The following NTM variants were observed in gnomAD, a reference collection of about 807,000 sequenced individuals.
NTM encodes the protein neurotrimin.
In NTM, 13 loss-of-function variants were observed where a neutral mutation model predicts 42.1. That is an observed-to-expected ratio of 0.31 (90% CI 0.20 to 0.49). The LOEUF (loss-of-function observed/expected upper bound fraction) is 0.49, where lower values mean the gene tolerates loss of function less well. NTM is among the 20% of genes least tolerant of loss of function. NTM has a pLI of 0.99. For synonymous variants in NTM, 187 were observed against 179.2 expected (o/e 1.04, Z -0.35); for missense variants, 373 against 452.8 (o/e 0.82, Z 1.60).
chr11:132,292,787 T>TAAAAAAAAAAAAAAAAAA (rs61603794), intron 4 of NTM, among the ~76,000 whole-genome samples: 1 of 56,572 alleles, frequency 1.8e-5, no homozygotes, highest in Non-Finnish European at 3.0e-5. Context: ...GATGTAAAAG[T>TAAAAAAAAAAAAAAAAAA]AAAAAAAAAA....
chr11:132,278,744 TC>T lies in NTM; in HGVS notation c.527-28944del, dbSNP rs1194181972. Among the ~76,000 whole-genome samples the T allele has an allele frequency of 2.1e-3, 7 of 3,364 alleles. No homozygotes were observed. The Admixed American group carries it at 0.027, about 13-fold the overall frequency. The allele number at this position is 3,364 out of a possible 152,430, so 2.2% of individuals were successfully genotyped here. On this transcript the variant is annotated intron_variant, in intron 4 of 8. Coordinates refer to ENST00000683400, the MANE Select transcript of NTM (RefSeq NM_001352005.2). ...GTCTTTCTTAACCTTCATTTGGGCT[TC>T]TCTCTCTCTCTCTCTCTCTCTCTCT...
intron 1 of NTM, among the ~76,000 whole-genome samples, chr11:131,525,315 G>A (rs1565600151): frequency 6.6e-6 from 1 of 152,200 alleles, no homozygotes; most frequent in Non-Finnish European, 1.5e-5. Context: ...TGCTTATAAT[G>A]CGCCGGAAAT....
intron 2 of NTM, among the ~76,000 whole-genome samples, chr11:132,072,511 A>T (rs1386038782): frequency 6.6e-6 from 1 of 152,182 alleles, no homozygotes; most frequent in Non-Finnish European, 1.5e-5. Flanking sequence ...GGGCAATCTG[A>T]TAGTTGTGAA....
At chr11:131,494,369 C>G (rs926372978) in intron 1 of NTM, among the ~76,000 whole-genome samples, 1 of 152,162 alleles carries the variant, frequency 6.6e-6, no homozygotes, top group Non-Finnish European at 1.5e-5. Flanking sequence ...ACGGTAGGAA[C>G]AGCTAAACGT....
intron 3 of NTM, among the ~76,000 whole-genome samples, chr11:132,174,652 T>C (rs2076541604): frequency 6.6e-6 from 1 of 152,172 alleles, no homozygotes; most frequent in South Asian, 2.1e-4. Flanking sequence ...GTGATTTTTG[T>C]AGCATTTTCT....
intron 2 of NTM, among the ~76,000 whole-genome samples, chr11:131,972,531 G>A (rs539465790): frequency 6.6e-6 from 1 of 152,304 alleles, no homozygotes; most frequent in African/African-American, 2.4e-5. Flanking sequence ...TTGTGAGCCA[G>A]TTTTCCAGTA....
At chr11:131,597,869 CAG>C (rs1565683738) in intron 1 of NTM, among the ~76,000 whole-genome samples, 1 of 151,518 alleles carries the variant, frequency 6.6e-6, no homozygotes, top group African/African-American at 2.4e-5. Flanking sequence ...AAGAATTCAA[CAG>C]AGTCCTTTTT....
At chr11:132,055,992 A>G (rs1027606306) in intron 2 of NTM, among the ~76,000 whole-genome samples, 6 of 152,200 alleles carry the variant, frequency 3.9e-5, no homozygotes, top group African/African-American at 1.2e-4. Flanking sequence ...CAAGTTTTCC[A>G]TGGTTCCTGA....
intron 1 of NTM, among the ~76,000 whole-genome samples, chr11:131,423,154 T>C (rs1054260601): frequency 6.6e-6 from 1 of 152,220 alleles, no homozygotes; most frequent in Non-Finnish European, 1.5e-5. Flanking sequence ...AGATTATACA[T>C]ATGCATATTA....
intron 3 of NTM, among the ~76,000 whole-genome samples, chr11:132,194,779 C>T (rs1350911782): frequency 7.0e-6 from 1 of 143,758 alleles, no homozygotes; most frequent in Non-Finnish European, 1.5e-5. Context: ...TTTCAGGATA[C>T]AAAATCAATG....
chr11:131,753,094 A>G (rs923702816), intron 1 of NTM, among the ~76,000 whole-genome samples: 2 of 152,062 alleles, frequency 1.3e-5, no homozygotes, highest in Non-Finnish European at 2.9e-5. Flanking sequence ...ATGAACAGAC[A>G]CTTCTCAAAA....
In NTM at chr11:132,330,142, A is replaced by G. The variant is rs766373624; in HGVS notation, c.935-11A>G. On this transcript the variant is annotated splice_polypyrimidine_tract_variant and intron_variant, in intron 7 of 8. Coordinates refer to ENST00000683400, the MANE Select transcript of NTM (RefSeq NM_001352005.2). Reference sequence around the variant, plus strand: ...CGACCTTAACAGTGGCTTGTTTTTAATTTCTTTTAGAAGTGAAAACTACAG... The same window carrying G: ...CGACCTTAACAGTGGCTTGTTTTTAGTTTCTTTTAGAAGTGAAAACTACAG... 7 of 1,551,458 alleles carry G rather than the reference A, an allele frequency of 4.5e-6. No homozygotes were observed. In the East Asian group the frequency reaches 9.8e-5, roughly 22 times the overall value.
At chr11:131,732,547 T>C (rs1035272820) in intron 1 of NTM, among the ~76,000 whole-genome samples, 1 of 152,216 alleles carries the variant, frequency 6.6e-6, no homozygotes, top group African/African-American at 2.4e-5. Flanking sequence ...GGAAGGCAAT[T>C]TACCAATTGT....
In NTM at chr11:131,473,495, C is replaced by A. The variant is rs76146102; in HGVS notation, c.82+102607C>A. The stretch of plus-strand genomic sequence containing the variant: ...TTCCTCTGCTCCTGGCAATACCACA[C>A]GTAAAGATAGCTTTTCTCCTCTCAG... On this transcript the variant is annotated intron_variant, in intron 1 of 8. Coordinates refer to ENST00000683400, the MANE Select transcript of NTM (RefSeq NM_001352005.2). Among the ~76,000 whole-genome samples, 155 of 152,230 alleles carry A rather than the reference C, an allele frequency of 1.0e-3. 2 individuals are homozygous for A. In the East Asian group the frequency reaches 0.028, roughly 28 times the overall value.
At chr11:132,051,811 T>G (rs1018926317) in intron 2 of NTM, among the ~76,000 whole-genome samples, 2 of 152,188 alleles carry the variant, frequency 1.3e-5, no homozygotes, top group African/African-American at 4.8e-5. Context: ...CTTTATCAAG[T>G]GCTGAGTCTA....
intron 2 of NTM, among the ~76,000 whole-genome samples, chr11:132,037,855 A>G (rs1414239819): frequency 1.3e-5 from 2 of 152,222 alleles, no homozygotes; most frequent in East Asian, 1.9e-4. Flanking sequence ...GTGATTATAT[A>G]TAGACAGCCA....
intron 2 of NTM, among the ~76,000 whole-genome samples, chr11:132,014,773 C>T: frequency 1.5e-5 from 1 of 66,518 alleles, no homozygotes. Flanking sequence ...GAGTTAAGTT[C>T]CTTGTGTATT....
At chr11:132,086,211 C>T (rs189028439) in intron 2 of NTM, among the ~76,000 whole-genome samples, 1 of 151,576 alleles carries the variant, frequency 6.6e-6, no homozygotes, top group East Asian at 1.9e-4. Context: ...GTAGTCCCAG[C>T]CACTTGGGAG....
intron 2 of NTM, among the ~76,000 whole-genome samples, chr11:131,996,096 T>C (rs951160755): frequency 1.3e-5 from 2 of 152,174 alleles, no homozygotes; most frequent in African/African-American, 4.8e-5. Flanking sequence ...TATAGGGAAA[T>C]TGGGCCAGTT....
Sources: gnomAD v4.1 joint callset for allele counts (sites outside exome capture counted in the v4.1 genomes callset) on GRCh38, gnomAD v4.1.1 for gene constraint, MANE v1.5 for transcripts, NCBI Gene and HGNC (gene_info 2026-07-23, HGNC 2026-07-21) for gene names.